Variants in MYZAP observed in about 807,000 individuals in gnomAD.
The protein encoded by MYZAP is myocardial zonula adherens protein.
In MYZAP, 66 loss-of-function variants were observed where a neutral mutation model predicts 69.4. The ratio of observed to expected loss-of-function variants is 0.95; its 90% CI spans 0.78 to 1.17. The LOEUF (loss-of-function observed/expected upper bound fraction) is 1.17, where lower values mean the gene tolerates loss of function less well. Ranked by LOEUF, MYZAP falls within the 50% of genes most tolerant of loss-of-function variation. MYZAP has a pLI of 0.00. For synonymous variants in MYZAP, 256 were observed against 205.9 expected, an observed-to-expected ratio of 1.24 and a Z score of -2.09; for missense variants, 611 against 556.2, an observed-to-expected ratio of 1.10 and a Z score of -0.99.
intron 10 of MYZAP, among the ~76,000 whole-genome samples, chr15:57,645,088 A>G (rs1391520990): frequency 7.9e-5 from 12 of 152,238 alleles, no homozygotes; most frequent in African/African-American, 2.9e-4. Context: ...GTACCCCTTT[A>G]GAAAGAGAAG....
chr15:57,634,776 A>G lies in MYZAP; in HGVS notation c.933+1035A>G, dbSNP rs115208384. Among the ~76,000 whole-genome samples, 608 of 152,296 alleles carry G rather than the reference A, an allele frequency of 4.0e-3. 7 individuals carry two copies. Among genetic ancestry groups the G allele is most frequent in the African/African-American group, 0.013 (559 of 41,554 alleles). On this transcript the variant is annotated intron_variant, in intron 8 of 12. Coordinates refer to ENST00000267853, the MANE Select transcript of MYZAP (RefSeq NM_001018100.5). ...AGAGACTTGGGCAAACTAAAGAGTC[A>G]ATTACAATCTCCCTTCTACCCCCTG...
intron 4 of MYZAP, among the ~76,000 whole-genome samples, chr15:57,625,076 A>G (rs1205823585): frequency 1.3e-5 from 2 of 151,096 alleles, no homozygotes; most frequent in Non-Finnish European, 2.9e-5. Context: ...TTTTTAAATG[A>G]GACGGAGTTT....
At chr15:57,674,715 C>T (rs2039030440) in intron 11 of MYZAP, among the ~76,000 whole-genome samples, 2 of 152,148 alleles carry the variant, frequency 1.3e-5, no homozygotes. Context: ...CAGATTATAA[C>T]ATAGATTACA....
chr15:57,647,092 A>G (rs1366763449), intron 10 of MYZAP: 1 of 985,304 alleles, frequency 1.0e-6, no homozygotes, highest in Admixed American at 6.1e-5. Context: ...GACGTTGGCT[A>G]GTTCTCCACT....
Position 57,684,479 on chromosome 15 carries a change from T to C in MYZAP, c.1382T>C (p.Met461Thr). ...TPYTRVLELT[M>T]KKTLT ...TACACAAGAGTCCTGGAGTTAACCA[T>C]GAAGAAAACTCTGACTTAGGCACTC... Residue 461 changes from methionine to threonine, a missense_variant, in exon 13 of 13, where the codon ATG becomes ACG. Transcript: ENST00000267853. 1 of 1,611,426 alleles carries C rather than the reference T, an allele frequency of 6.2e-7. No individual in the cohort carries two copies. Among genetic ancestry groups the C allele is most frequent in the Non-Finnish European group, 8.5e-7 (1 of 1,178,368 alleles).
chr15:57,634,224 T>C (rs1446247076), intron 8 of MYZAP, among the ~76,000 whole-genome samples: 1 of 151,806 alleles, frequency 6.6e-6, no homozygotes, highest in Non-Finnish European at 1.5e-5. Flanking sequence ...GGAGCTCAGC[T>C]GGGATAATGA....
intron 1 of MYZAP, among the ~76,000 whole-genome samples, chr15:57,595,652 G>T (rs949013809): frequency 6.6e-6 from 1 of 152,084 alleles, no homozygotes; most frequent in South Asian, 2.1e-4. Context: ...TCTGATCCTG[G>T]GCTGTGGAAT....
At chr15:57,608,079 A>G (rs1299498725) in intron 2 of MYZAP, among the ~76,000 whole-genome samples, 2 of 152,230 alleles carry the variant, frequency 1.3e-5, no homozygotes, top group Non-Finnish European at 2.9e-5. Context: ...GAGCTGGCTC[A>G]GATATGTGAG....
rs1305671292 is a variant in MYZAP at position 57,604,281 on chromosome 15, A to G, written c.88A>G (p.Arg30Gly). ...GAPSRRANVC[R>G]LRLTVPPESP... ...CCCTCTCTTCTAGGCAAATGTTTGCAGACTACGGCTGACCGTACCTCCTGA... is the reference window on the plus strand; with the variant it reads ...CCCTCTCTTCTAGGCAAATGTTTGCGGACTACGGCTGACCGTACCTCCTGA... Residue 30 changes from arginine to glycine, a missense_variant, in exon 2 of 13, where the codon AGA becomes GGA. Coordinates refer to ENST00000267853, the MANE Select transcript of MYZAP (RefSeq NM_001018100.5). 5 of 1,614,084 alleles carry G rather than the reference A, an allele frequency of 3.1e-6. No homozygotes were observed. The highest frequency in any genetic ancestry group is 1.3e-5 in the African/African-American group (1 of 74,942).
At chr15:57,631,608 G>A (rs1300295803) in intron 6 of MYZAP, among the ~76,000 whole-genome samples, 1 of 152,150 alleles carries the variant, frequency 6.6e-6, no homozygotes, top group African/African-American at 2.4e-5. Context: ...TCTCTCAGCT[G>A]GTCATAAGCT....
intron 10 of MYZAP, among the ~76,000 whole-genome samples, chr15:57,651,322 C>T (rs905188650): frequency 6.6e-6 from 1 of 152,168 alleles, no homozygotes; most frequent in Admixed American, 6.5e-5. Context: ...GTCTCTGAAA[C>T]TGAATTCATC....
chr15:57,645,489 G>A (rs2140486830), intron 10 of MYZAP, among the ~76,000 whole-genome samples: 2 of 152,268 alleles, frequency 1.3e-5, no homozygotes, highest in East Asian at 1.9e-4. Flanking sequence ...AGACAAACCT[G>A]CCTTTGAAAA....
intron 8 of MYZAP, among the ~76,000 whole-genome samples, chr15:57,634,146 G>A (rs1307393011): frequency 1.3e-5 from 2 of 152,190 alleles, no homozygotes; most frequent in East Asian, 3.9e-4. Context: ...TGAGAGAGTA[G>A]GGAGGCCCCA....
chr15:57,647,864 C>A (rs1286293507), intron 10 of MYZAP: 1 of 985,276 alleles, frequency 1.0e-6, no homozygotes, highest in African/African-American at 1.7e-5. Context: ...CTCTTTCCTG[C>A]CTGTACTGTG....
At chr15:57,645,323 G>A (rs2037387158) in intron 10 of MYZAP, among the ~76,000 whole-genome samples, 1 of 152,220 alleles carries the variant, frequency 6.6e-6, no homozygotes, top group Admixed American at 6.5e-5. Flanking sequence ...TCTTCAGAGA[G>A]TTGAGACTTT....
rs551482626 is a variant in MYZAP, at chr15:57,607,915, T to C, written c.162+3560T>C. Among the ~76,000 whole-genome samples, 4 of 152,270 alleles carry C rather than the reference T, an allele frequency of 2.6e-5. No individual in the cohort carries two copies. The South Asian group carries it at 6.2e-4, about 24-fold the overall frequency. On this transcript the variant is annotated intron_variant, in intron 2 of 12. Transcript: ENST00000267853. ...GCCATGCACTGTCGGGGAGACTCTG[T>C]AGGGGCCACTTCCTTGGATGTGGTT...
chr15:57,677,090 C>T (rs1472679852), intron 12 of MYZAP, among the ~76,000 whole-genome samples: 6 of 152,150 alleles, frequency 3.9e-5, no homozygotes, highest in Admixed American at 6.5e-5. Flanking sequence ...GGGGAGGAGC[C>T]CAGAATCTTT....
intron 3 of MYZAP, among the ~76,000 whole-genome samples, chr15:57,620,872 C>T (rs1247726871): frequency 1.3e-5 from 2 of 151,838 alleles, no homozygotes; most frequent in African/African-American, 4.8e-5. Context: ...AAACTTTGCC[C>T]AACTGTCATT....
In MYZAP at chr15:57,684,465, C is replaced by A; in HGVS notation, c.1368C>A (p.Val456=). 1 of 1,613,086 alleles carries A rather than the reference C, an allele frequency of 6.2e-7. No individual in the cohort carries two copies. Among genetic ancestry groups the A allele is most frequent in the Non-Finnish European group, 8.5e-7 (1 of 1,179,538 alleles). The change falls in exon 13 of 13, where the codon GTC becomes GTA. Residue 456 remains valine (V), a synonymous_variant. Transcript: ENST00000267853. ...PSRNYTPYTR[V]LELTMKKTLT is the part of the protein sequence containing the mutation. Reference sequence around the variant, plus strand: ...GGAACTACACCCCATACACAAGAGTCCTGGAGTTAACCATGAAGAAAACTC... The same window carrying A: ...GGAACTACACCCCATACACAAGAGTACTGGAGTTAACCATGAAGAAAACTC...
Sources: gnomAD v4.1 joint callset for allele counts (sites outside exome capture counted in the v4.1 genomes callset) on GRCh38, gnomAD v4.1.1 for gene constraint, MANE v1.5 for transcripts, NCBI Gene and HGNC (gene_info 2026-07-23, HGNC 2026-07-21) for gene names.